TMCC1: variants seen among roughly 807,000 people sequenced by gnomAD.
The protein encoded by TMCC1 is transmembrane and coiled-coil domain family 1.
TMCC1 carries 15 observed loss-of-function variants against 52.4 expected under a neutral mutation model. The ratio of observed to expected loss-of-function variants is 0.29; its 90% CI spans 0.19 to 0.44. TMCC1 has a LOEUF of 0.44. Among genes scored for constraint, TMCC1 ranks in the 20% least tolerant of loss-of-function variants. TMCC1 has a pLI of 1.00. For missense variants in TMCC1, 503 were observed against 806.0 expected (o/e 0.62, Z 4.55); for synonymous variants, 279 against 301.9 (o/e 0.92, Z 0.79).
chr3:129,814,330 T>A (rs1261124759), intron 4 of TMCC1, among the ~76,000 whole-genome samples: 1 of 152,146 alleles, frequency 6.6e-6, no homozygotes, highest in Non-Finnish European at 1.5e-5. Flanking sequence ...CTAACATAAG[T>A]TGCCATCTCT....
intron 2 of TMCC1, among the ~76,000 whole-genome samples, chr3:129,863,466 A>G (rs1180413800): frequency 1.3e-5 from 2 of 152,202 alleles, no homozygotes; most frequent in Admixed American, 1.3e-4. Flanking sequence ...CCTCACAGAG[A>G]TTGAATCCTG....
intron 4 of TMCC1, among the ~76,000 whole-genome samples, chr3:129,699,457 T>C (rs2047654087): frequency 2.0e-5 from 3 of 152,184 alleles, no homozygotes; most frequent in Admixed American, 6.6e-5. Flanking sequence ...TGCCCACCCC[T>C]TTCTCAGAAA....
intron 2 of TMCC1, among the ~76,000 whole-genome samples, chr3:129,873,621 A>G (rs373127763): frequency 1.0e-3 from 158 of 152,266 alleles, no homozygotes; most frequent in African/African-American, 3.4e-3. Context: ...TCAAGGCTGC[A>G]GTTAGCTACG....
At chr3:129,734,140 T>C (rs904853379) in intron 4 of TMCC1, among the ~76,000 whole-genome samples, 2 of 152,204 alleles carry the variant, frequency 1.3e-5, no homozygotes, top group East Asian at 1.9e-4. Flanking sequence ...TGTAGCACTG[T>C]TTATGAAACA....
At chr3:129,858,007 TG>T (rs2060221039) in intron 2 of TMCC1, among the ~76,000 whole-genome samples, 1 of 152,170 alleles carries the variant, frequency 6.6e-6, no homozygotes, top group African/African-American at 2.4e-5. Flanking sequence ...GCAGAAAAGC[TG>T]GAACTTACAC....
intron 4 of TMCC1, among the ~76,000 whole-genome samples, chr3:129,709,974 C>A (rs975166781): frequency 7.2e-5 from 11 of 152,134 alleles, no homozygotes; most frequent in African/African-American, 2.7e-4. Flanking sequence ...ATCACAAGGT[C>A]AGGAAATGGA....
intron 4 of TMCC1, among the ~76,000 whole-genome samples, chr3:129,720,042 C>A (rs933166218): frequency 6.6e-6 from 1 of 151,940 alleles, no homozygotes; most frequent in Non-Finnish European, 1.5e-5. Context: ...ATTAGCAAAG[C>A]GTGGTGGCAC....
intron 4 of TMCC1, among the ~76,000 whole-genome samples, chr3:129,730,538 C>A (rs921944294): frequency 2.0e-5 from 3 of 152,144 alleles, no homozygotes; most frequent in Admixed American, 6.5e-5. Flanking sequence ...ACTAATATGG[C>A]CTCATCTTGG....
rs2087586657 is a variant in TMCC1 at position 129,667,781 on chromosome 3, G to A, written c.1511+2549C>T. 2.0e-5 allele frequency among the ~76,000 whole-genome samples: 3 copies of A among 152,168 alleles called. No individual in the cohort carries two copies. The South Asian group carries it at 6.2e-4, about 32-fold the overall frequency. On this transcript the variant is annotated intron_variant, in intron 5 of 6. Coordinates refer to ENST00000393238, the MANE Select transcript of TMCC1 (RefSeq NM_001017395.5). ...TTCAAAGGTGGCTCCTGAGAGACCT[G>A]TTTCTGATTTTCTCATATCTTGACT...
In TMCC1 at chr3:129,667,991, A is replaced by G. The variant is rs530324984; in HGVS notation, c.1511+2339T>C. Among the ~76,000 whole-genome samples the G allele has an allele frequency of 2.0e-3, 308 of 152,298 alleles. 2 individuals are homozygous for G. Among genetic ancestry groups the G allele is most frequent in the Middle Eastern group, 6.8e-3 (2 of 294 alleles). On this transcript the variant is annotated intron_variant, in intron 5 of 6. Transcript: ENST00000393238. ...CACTGGAGCCCAGAAGTTCAAGACC[A>G]GCCTGGGCAATATAGTGAGACCTTG...
intron 2 of TMCC1, among the ~76,000 whole-genome samples, chr3:129,841,796 TG>T (rs2059433189): frequency 6.6e-6 from 1 of 152,246 alleles, no homozygotes; most frequent in Non-Finnish European, 1.5e-5. Context: ...CAAGATCTGA[TG>T]GTTTTACAGT....
At chr3:129,806,551 T>C (rs1231736287) in intron 4 of TMCC1, among the ~76,000 whole-genome samples, 3 of 152,070 alleles carry the variant, frequency 2.0e-5, no homozygotes, top group African/African-American at 7.2e-5. Flanking sequence ...CCTCACAGGG[T>C]TTCCCATACC....
chr3:129,834,295 A>C (rs574313394), intron 2 of TMCC1, among the ~76,000 whole-genome samples: 2 of 152,324 alleles, frequency 1.3e-5, no homozygotes, highest in Admixed American at 1.3e-4. Context: ...TGGTGGATAC[A>C]CATTTCTGAA....
At chr3:129,672,339 T>C (rs1233955723) in intron 4 of TMCC1, among the ~76,000 whole-genome samples, 2 of 152,162 alleles carry the variant, frequency 1.3e-5, no homozygotes, top group African/African-American at 4.8e-5. Flanking sequence ...GGCTCACGTC[T>C]ATATTCCCAG....
chr3:129,844,764 G>A (rs180937543), intron 2 of TMCC1, among the ~76,000 whole-genome samples: 22 of 152,264 alleles, frequency 1.4e-4, no homozygotes, highest in African/African-American at 5.3e-4. Flanking sequence ...TTAACTGCTG[G>A]ACTAGTAAGA....
At chr3:129,841,084 G>C (rs2059404462) in intron 2 of TMCC1, among the ~76,000 whole-genome samples, 1 of 152,202 alleles carries the variant, frequency 6.6e-6, no homozygotes, top group Non-Finnish European at 1.5e-5. Flanking sequence ...AATGAATCCA[G>C]GCTGAAGTGG....
At chr3:129,669,658 C>T (rs1289289031) in intron 5 of TMCC1, among the ~76,000 whole-genome samples, 8 of 152,014 alleles carry the variant, frequency 5.3e-5, no homozygotes, top group Non-Finnish European at 1.2e-4. Context: ...TTTCTCTCTG[C>T]GTGTGAAGGT....
intron 2 of TMCC1, among the ~76,000 whole-genome samples, chr3:129,864,212 T>C (rs577634816): frequency 3.9e-4 from 60 of 152,336 alleles, no homozygotes; most frequent in African/African-American, 1.2e-3. Context: ...ATACGAAGTA[T>C]GGCTCTTATT....
chr3:129,824,813 A>C (rs183520566), intron 4 of TMCC1, among the ~76,000 whole-genome samples: 151 of 152,356 alleles, frequency 9.9e-4, no homozygotes, highest in African/African-American at 3.4e-3. Context: ...TTTCCTTAAA[A>C]AATACAATTT....
Sources: gnomAD v4.1 joint callset for allele counts (sites outside exome capture counted in the v4.1 genomes callset) on GRCh38, gnomAD v4.1.1 for gene constraint, MANE v1.5 for transcripts, NCBI Gene and HGNC (gene_info 2026-07-23, HGNC 2026-07-21) for gene names.